The following WASHC5 variants were observed in gnomAD, a reference collection of about 807,000 sequenced individuals.
WASHC5 encodes the protein WASH complex subunit strumpellin.
A neutral mutation model predicts 150.4 loss-of-function variants in WASHC5; 101 were observed. That is an observed-to-expected ratio of 0.67 (90% CI 0.57 to 0.79). WASHC5 has a LOEUF of 0.79. WASHC5 is among the 30% of genes least tolerant of loss of function. The pLI, the probability that WASHC5 is intolerant of heterozygous loss-of-function variation, is 0.00. For synonymous variants in WASHC5, 467 were observed against 491.2 expected, an observed-to-expected ratio of 0.95 and a Z score of 0.65; for missense variants, 1,195 against 1,396.3, an observed-to-expected ratio of 0.86 and a Z score of 2.30.
Position 125,078,711 on chromosome 8 carries a change from ATAGGTCT to A in WASHC5, c.711+20_711+26del. On this transcript the variant is annotated intron_variant, in intron 6 of 28. Coordinates refer to ENST00000318410, the MANE Select transcript of WASHC5 (RefSeq NM_014846.4). The stretch of plus-strand genomic sequence containing the variant: ...GAAATCAGTCTGTTAAACTGTCTTA[ATAGGTCT>A]TAATAGATTTAATTCCCACCTGGTT... The A allele has an allele frequency of 7.1e-7, 1 of 1,401,562 alleles. No individual in the cohort carries two copies. The allele number at this position is 1,401,562 out of a possible 1,614,324, so 86.8% of individuals were successfully genotyped here. A position where few individuals can be genotyped will look rare whatever the true frequency, so the allele number is the denominator to read the frequency against.
At chr8:125,088,686 C>T (rs1418768446) in intron 1 of WASHC5, among the ~76,000 whole-genome samples, 2 of 152,016 alleles carry the variant, frequency 1.3e-5, no homozygotes, top group African/African-American at 4.8e-5. Context: ...CAGATAAGAC[C>T]ATAGCTCCTT....
intron 26 of WASHC5, 66 bp downstream of exon 26, chr8:125,037,171 G>A (rs1815735192): frequency 2.2e-6 from 2 of 916,582 alleles, no homozygotes; most frequent in Non-Finnish European, 3.7e-6. Flanking sequence ...TATACAAAAA[G>A]CTATTTAGTT....
chr8:125,071,614 C>T (rs1816897496), intron 9 of WASHC5, among the ~76,000 whole-genome samples: 2 of 152,174 alleles, frequency 1.3e-5, no homozygotes, highest in South Asian at 4.1e-4. Flanking sequence ...GGTTTCCTGA[C>T]CTCCTCTGCT....
intron 17 of WASHC5, among the ~76,000 whole-genome samples, chr8:125,052,843 G>GT (rs929178651): frequency 3.9e-5 from 6 of 152,062 alleles, no homozygotes; most frequent in African/African-American, 1.4e-4. Context: ...TAAAATCGTC[G>GT]TAAGTTGAAA....
chr8:125,029,776 T>C (rs1196568034), intron 27 of WASHC5, among the ~76,000 whole-genome samples: 1 of 152,220 alleles, frequency 6.6e-6, no homozygotes, highest in Non-Finnish European at 1.5e-5. Flanking sequence ...GATTTCCAAT[T>C]CCTGTACCAA....
intron 28 of WASHC5, 49 bp downstream of exon 28, chr8:125,028,571 A>G (rs747611267): frequency 1.5e-6 from 2 of 1,353,118 alleles, no homozygotes; most frequent in South Asian, 2.3e-5. Flanking sequence ...CACTATTATT[A>G]GCATCTTTTT....
chr8:125,055,548 AAG>A (rs1563620615), intron 17 of WASHC5, 41 bp downstream of exon 17: 1 of 1,128,310 alleles, frequency 8.9e-7, no homozygotes, highest in Non-Finnish European at 1.4e-6. Context: ...CCAAACAGCT[AAG>A]AGTCATGGTG....
chr8:125,082,097 T>C (rs937707174), intron 4 of WASHC5, among the ~76,000 whole-genome samples: 3 of 152,212 alleles, frequency 2.0e-5, no homozygotes, highest in Non-Finnish European at 2.9e-5. Flanking sequence ...ATGGTTAGTA[T>C]GTACTAGGTA....
chr8:125,047,343 A>G lies in WASHC5; in HGVS notation c.2380-12T>C. 1 of 1,612,870 alleles carries G rather than the reference A, an allele frequency of 6.2e-7. No homozygotes were observed. Among genetic ancestry groups the G allele is most frequent in the African/African-American group, 1.3e-5 (1 of 75,026 alleles). ...TGCCAATCTTGAATCTAGAAAACAA[A>G]ACCATCAATATTTAGTAAACCTTTG... On this transcript the variant is annotated splice_polypyrimidine_tract_variant and intron_variant, in intron 19 of 28. Transcript: ENST00000318410.
At chr8:125,076,842 A>T (rs75234118) in intron 6 of WASHC5, among the ~76,000 whole-genome samples, 16,495 of 151,118 alleles carry the variant, frequency 0.11, 2,115 homozygotes, top group African/African-American at 0.31. Context: ...GACAGGCTCC[A>T]CTCACTGTTG....
Position 125,059,503 on chromosome 8 carries a change from A to G in WASHC5, c.1561T>C (p.Cys521Arg). 1 of 1,613,784 alleles carries G rather than the reference A, an allele frequency of 6.2e-7. No homozygotes were observed. The highest frequency in any genetic ancestry group is 8.5e-7 in the Non-Finnish European group (1 of 1,179,812). The part of the protein sequence containing the change: ...FHQLESNLQV[C>R]QFLADTRKFL... ...TTTCGAGTATCGGCAAGAAACTGACATACTTGCAGATTGGATTCCAACTGG... is the reference window on the plus strand; with the variant it reads ...TTTCGAGTATCGGCAAGAAACTGACGTACTTGCAGATTGGATTCCAACTGG... The change falls in exon 13 of 29, where the codon TGT becomes CGT. Residue 521 changes from cysteine (C) to arginine (R), a missense_variant. Transcript: ENST00000318410.
At chr8:125,062,580 A>G (rs867335433) in intron 11 of WASHC5, among the ~76,000 whole-genome samples, 11 of 152,194 alleles carry the variant, frequency 7.2e-5, no homozygotes, top group South Asian at 4.1e-4. Context: ...TTTCTAGTTT[A>G]TATCACATCG....
In WASHC5 at chr8:125,024,426, T is replaced by G; in HGVS notation, c.*191A>C. 1.6e-6 allele frequency: 1 copy of G among 630,426 alleles called. No homozygotes were observed. Among genetic ancestry groups the G allele is most frequent in the South Asian group, 1.9e-5 (1 of 52,422 alleles). The allele number at this position is 630,426 out of a possible 1,614,324, so 39.1% of individuals were successfully genotyped here. A position where few individuals can be genotyped will look rare whatever the true frequency, so the allele number is the denominator to read the frequency against. On this transcript the variant is annotated 3_prime_UTR_variant, in exon 29 of 29. Coordinates refer to ENST00000318410, the MANE Select transcript of WASHC5 (RefSeq NM_014846.4). Reference sequence around the variant, plus strand: ...CTGATATAAATTGCATGTAATACCATGATTTAAACAATATCAGTTATATTA... The same window carrying G: ...CTGATATAAATTGCATGTAATACCAGGATTTAAACAATATCAGTTATATTA...
chr8:125,049,174 C>T lies in WASHC5; in HGVS notation c.2211G>A (p.Leu737=). 6.2e-7 allele frequency: 1 copy of T among 1,614,088 alleles called. No individual in the cohort carries two copies. Among genetic ancestry groups the T allele is most frequent in the Non-Finnish European group, 8.5e-7 (1 of 1,180,000 alleles). Residue 737 remains leucine (L), a synonymous_variant, in exon 19 of 29, where the codon TTG becomes TTA. Coordinates refer to ENST00000318410, the MANE Select transcript of WASHC5 (RefSeq NM_014846.4). ...CTCCCAACTCTTTCAGCTTGGGCATCAATTCACTTGGCTGTGGAAAAGGGG... is the reference window on the plus strand; with the variant it reads ...CTCCCAACTCTTTCAGCTTGGGCATTAATTCACTTGGCTGTGGAAAAGGGG... The part of the protein sequence containing the change: ...IFNPRAKPSE[L]MPKLKELGAT...
At chr8:125,064,616 T>A (rs1042772162) in intron 10 of WASHC5, among the ~76,000 whole-genome samples, 9 of 152,020 alleles carry the variant, frequency 5.9e-5, no homozygotes, top group African/African-American at 1.9e-4. Context: ...GGGTTTTTTT[T>A]TTTTCTGAAA....
chr8:125,055,809 C>T, intron 16 of WASHC5, 138 bp from the exon 17 acceptor site: 2 of 701,916 alleles, frequency 2.8e-6, no homozygotes, highest in South Asian at 3.1e-5. Flanking sequence ...TGTGGTACAA[C>T]TGAAAGCCCA....
chr8:125,078,098 T>C (rs907842065), intron 6 of WASHC5, among the ~76,000 whole-genome samples: 4 of 152,232 alleles, frequency 2.6e-5, no homozygotes, highest in African/African-American at 9.6e-5. Flanking sequence ...TCTAAAATTA[T>C]GTTTTCTTCA....
intron 5 of WASHC5, among the ~76,000 whole-genome samples, 186 bp from the exon 6 acceptor site, chr8:125,079,116 G>GTGTATATATATATATATGTATATATATA (rs370503575): frequency 1.0e-5 from 1 of 97,926 alleles, no homozygotes; most frequent in African/African-American, 4.6e-5. Context: ...GTGTGTGTGT[G>GTGTATATATATATATATGTATATATATA]TATATATATA....
At chr8:125,043,674 G>A (rs1815961856) in intron 23 of WASHC5, 151 bp downstream of exon 23, 2 of 664,206 alleles carry the variant, frequency 3.0e-6, no homozygotes, top group South Asian at 3.7e-5. Context: ...TAAACAAAAT[G>A]AATTTTAAAA....
Sources: allele counts gnomAD v4.1 joint callset (sites outside exome capture counted in the v4.1 genomes callset), GRCh38; gene constraint gnomAD v4.1.1; transcripts MANE v1.5; gene names NCBI Gene and HGNC (gene_info 2026-07-23, HGNC 2026-07-21).